Variants in NLN observed in about 807,000 individuals in gnomAD.
NLN encodes the protein neurolysin, also known as neurolysin, mitochondrial.
NLN carries 64 observed loss-of-function variants against 79.9 expected under a neutral mutation model. That is an observed-to-expected ratio of 0.80 (90% CI 0.65 to 0.99). The LOEUF (loss-of-function observed/expected upper bound fraction) is 0.99. NLN is among the 50% of genes least tolerant of loss of function. The probability of loss-of-function intolerance (pLI) is 0.00; values close to 1 mark genes in which losing one functional copy is unlikely to be tolerated. For synonymous variants in NLN, 267 were observed against 296.6 expected (o/e 0.90, Z 1.02); for missense variants, 835 against 858.7 (o/e 0.97, Z 0.34).
chr5:65,804,507 C>T (rs1364578728), intron 9 of NLN, among the ~76,000 whole-genome samples: 2 of 152,148 alleles, frequency 1.3e-5, no homozygotes, highest in Non-Finnish European at 2.9e-5. Flanking sequence ...TCTCTGTTCA[C>T]GTTTTGGGAT....
chr5:65,808,000 C>G (rs929444936), intron 9 of NLN, among the ~76,000 whole-genome samples: 5 of 152,128 alleles, frequency 3.3e-5, no homozygotes, highest in African/African-American at 1.2e-4. Flanking sequence ...AAGATGTAAT[C>G]TTACACTATC....
rs61569617 is a variant in NLN, at chr5:65,770,915, G to A, written c.451-6512G>A. ...TACAATATGATACTTTATAAAGCTC[G>A]AAAAGAAGCAAAACTATACAATATA... On this transcript the variant is annotated intron_variant, in intron 3 of 12. Transcript: ENST00000380985. 9.5e-3 allele frequency among the ~76,000 whole-genome samples: 1,445 copies of A among 152,138 alleles called. 29 individuals carry two copies. Among genetic ancestry groups the A allele is most frequent in the African/African-American group, 0.033 (1,384 of 41,502 alleles).
At chr5:65,768,979 C>T (rs1239661076) in intron 3 of NLN, among the ~76,000 whole-genome samples, 2 of 152,262 alleles carry the variant, frequency 1.3e-5, no homozygotes, top group Non-Finnish European at 2.9e-5. Context: ...CGCAGAGCGT[C>T]TCCATGTGGT....
At chr5:65,746,558 T>C (rs920160881) in intron 1 of NLN, among the ~76,000 whole-genome samples, 6 of 152,122 alleles carry the variant, frequency 3.9e-5, no homozygotes, top group Admixed American at 1.3e-4. Flanking sequence ...CTGGACCACT[T>C]TGAAAAGTCT....
chr5:65,771,326 CAA>C lies in NLN; in HGVS notation c.451-6100_451-6099del, dbSNP rs573985530. 1.8e-3 allele frequency among the ~76,000 whole-genome samples: 281 copies of C among 152,216 alleles called. 2 individuals carry two copies. Among genetic ancestry groups the C allele is most frequent in the African/African-American group, 6.5e-3 (270 of 41,516 alleles). ...TCTCAATTGTTGGCTTTTAAAAAGC[CAA>C]CAAACATCCAAGAAGATTTCATACC... On this transcript the variant is annotated intron_variant, in intron 3 of 12. Coordinates refer to ENST00000380985, the MANE Select transcript of NLN (RefSeq NM_020726.5).
chr5:65,740,197 G>T (rs973296138), intron 1 of NLN, among the ~76,000 whole-genome samples: 1 of 152,172 alleles, frequency 6.6e-6, no homozygotes, highest in Admixed American at 6.5e-5. Flanking sequence ...TCTGGAAGCT[G>T]GGAAGTGCAA....
chr5:65,819,409 G>A (rs1051170712), intron 12 of NLN, among the ~76,000 whole-genome samples: 1 of 152,204 alleles, frequency 6.6e-6, no homozygotes, highest in Non-Finnish European at 1.5e-5. Context: ...GACAGATGAG[G>A]AAATCAAGGC....
chr5:65,726,298 A>T (rs1758470023), intron 1 of NLN, among the ~76,000 whole-genome samples: 1 of 152,168 alleles, frequency 6.6e-6, no homozygotes, highest in South Asian at 2.1e-4. Context: ...ATTTAATAAA[A>T]ATTCATACTT....
At chr5:65,762,119 T>A (rs926371441) in intron 2 of NLN, among the ~76,000 whole-genome samples, 1 of 152,196 alleles carries the variant, frequency 6.6e-6, no homozygotes, top group Non-Finnish European at 1.5e-5. Flanking sequence ...ATGTGAAGAT[T>A]AAACCAAACT....
At position 65,792,630 on chromosome 5, in the gene NLN, ACG is replaced by A; in HGVS notation, c.1503_1504del (p.Val502AspfsTer9). 2 of 1,613,694 alleles carry A rather than the reference ACG, an allele frequency of 1.2e-6. No homozygotes were observed. The highest frequency in any genetic ancestry group is 1.3e-5 in the African/African-American group (1 of 74,958). ...AGGACTTACTTTCATGAGTTTGGTCACGTGATGCATCAGATTTGTGCACAGGT... is the reference window on the plus strand; with the variant it reads ...AGGACTTACTTTCATGAGTTTGGTCATGATGCATCAGATTTGTGCACAGGT... On this transcript the variant is annotated frameshift_variant, in exon 9 of 13. Transcript: ENST00000380985. LOFTEE classifies it high-confidence loss of function.
intron 12 of NLN, among the ~76,000 whole-genome samples, chr5:65,814,820 A>G (rs1394701155): frequency 4.6e-5 from 7 of 152,206 alleles, no homozygotes; most frequent in Non-Finnish European, 7.3e-5. Context: ...AGCTTTTACT[A>G]TGTCTGCAAT....
chr5:65,758,415 GT>G, intron 1 of NLN, 151 bp from the exon 2 acceptor site: 1 of 500,674 alleles, frequency 2.0e-6, no homozygotes, highest in Admixed American at 3.5e-5. Context: ...GGGGCACTTA[GT>G]TTTGTGCATA....
chr5:65,733,161 G>A (rs1402944181), intron 1 of NLN: 1 of 1,488,370 alleles, frequency 6.7e-7, no homozygotes, highest in Non-Finnish European at 9.3e-7. Flanking sequence ...TCGGGACATG[G>A]AGTGTCTGTC....
chr5:65,722,916 C>G (rs1314042288), intron 1 of NLN: 2 of 153,034 alleles, frequency 1.3e-5, no homozygotes, highest in Non-Finnish European at 2.9e-5. Context: ...TTTTATTTTC[C>G]TCCTCCCCAT....
At chr5:65,771,277 T>C (rs954966527) in intron 3 of NLN, among the ~76,000 whole-genome samples, 19 of 152,222 alleles carry the variant, frequency 1.2e-4, no homozygotes, top group African/African-American at 4.6e-4. Context: ...CAGGTATTAG[T>C]ATTTCCCAAT....
At position 65,726,833 on chromosome 5, in the gene NLN, A is replaced by G. The variant is rs1385651915; in HGVS notation, c.41+4419A>G. 3.3e-5 allele frequency among the ~76,000 whole-genome samples: 5 copies of G among 152,332 alleles called. No homozygotes were observed. In the East Asian group the frequency reaches 5.8e-4, roughly 18 times the overall value. On this transcript the variant is annotated intron_variant, in intron 1 of 12. Coordinates refer to ENST00000380985, the MANE Select transcript of NLN (RefSeq NM_020726.5). ...TCTGTTTCAAAATCAGTATCTTCCA[A>G]AAGAGTTCATATTAGACAACATGGA... is the stretch of plus-strand genomic sequence containing the variant.
At chr5:65,755,655 T>C (rs926558938) in intron 1 of NLN, among the ~76,000 whole-genome samples, 4 of 152,080 alleles carry the variant, frequency 2.6e-5, no homozygotes, top group African/African-American at 9.7e-5. Flanking sequence ...CATAAACAGG[T>C]TTTGGAACAA....
At chr5:65,792,799 T>C (rs1561205261) in intron 9 of NLN, 144 bp downstream of exon 9, 2 of 722,000 alleles carry the variant, frequency 2.8e-6, no homozygotes, top group South Asian at 1.5e-5. Context: ...AAAACCAAAA[T>C]TTTCCTTATC....
chr5:65,764,898 T>C (rs1026973352), intron 3 of NLN, among the ~76,000 whole-genome samples: 1 of 152,352 alleles, frequency 6.6e-6, no homozygotes, highest in African/African-American at 2.4e-5. Flanking sequence ...CAAATGGTTA[T>C]GTTTATTTAG....
Sources: gnomAD v4.1 joint callset for allele counts (sites outside exome capture counted in the v4.1 genomes callset) on GRCh38, gnomAD v4.1.1 for gene constraint, MANE v1.5 for transcripts, NCBI Gene and HGNC (gene_info 2026-07-23, HGNC 2026-07-21) for gene names.